GPR39: variants seen among roughly 807,000 people sequenced by gnomAD.
The protein encoded by GPR39 is G protein-coupled receptor 39.
In GPR39, 23 loss-of-function variants were observed where a neutral mutation model predicts 18.4. That is an observed-to-expected ratio of 1.25 (90% CI 0.90 to 1.77). GPR39 has a LOEUF of 1.77. Ranked by LOEUF, GPR39 falls within the 40% of genes most tolerant of loss-of-function variation. The pLI is 0.00. For synonymous variants in GPR39, 280 were observed against 257.9 expected, an observed-to-expected ratio of 1.09 and a Z score of -0.82; for missense variants, 647 against 602.4, an observed-to-expected ratio of 1.07 and a Z score of -0.78.
intron 1 of GPR39, among the ~76,000 whole-genome samples, chr2:132,555,892 T>G (rs1680142195): frequency 6.6e-6 from 1 of 152,184 alleles, no homozygotes; most frequent in South Asian, 2.1e-4. Flanking sequence ...AGGGGAGATG[T>G]TACTCAAGTA....
chr2:132,611,185 A>G (rs1681233767), intron 1 of GPR39, among the ~76,000 whole-genome samples: 1 of 152,224 alleles, frequency 6.6e-6, no homozygotes, highest in Admixed American at 6.5e-5. Context: ...ACAGTGCAGG[A>G]AAATTTGTCA....
chr2:132,578,434 A>G (rs987535796), intron 1 of GPR39, among the ~76,000 whole-genome samples: 5 of 152,170 alleles, frequency 3.3e-5, no homozygotes, highest in African/African-American at 1.2e-4. Flanking sequence ...TAGATTGTAT[A>G]GAATTGCTGA....
At chr2:132,607,781 A>G (rs1267569589) in intron 1 of GPR39, among the ~76,000 whole-genome samples, 1 of 152,192 alleles carries the variant, frequency 6.6e-6, no homozygotes, top group African/African-American at 2.4e-5. Context: ...CTCTTTCAAT[A>G]TGGCACGTAT....
intron 1 of GPR39, among the ~76,000 whole-genome samples, chr2:132,594,768 T>A (rs1573687848): frequency 6.6e-6 from 1 of 151,736 alleles, no homozygotes; most frequent in Non-Finnish European, 1.5e-5. Context: ...TCTGGTTGGG[T>A]TTTATTCCAA....
intron 1 of GPR39, among the ~76,000 whole-genome samples, chr2:132,492,623 CAA>C (rs1681504495): frequency 1.5e-5 from 1 of 68,584 alleles, no homozygotes; most frequent in African/African-American, 3.7e-5. Context: ...TCTATATATA[CAA>C]TATATATACA....
intron 1 of GPR39, among the ~76,000 whole-genome samples, chr2:132,511,307 T>G (rs919436741): frequency 6.6e-6 from 1 of 152,124 alleles, no homozygotes; most frequent in Non-Finnish European, 1.5e-5. Flanking sequence ...CTAAAGTAAA[T>G]TAAACTGTGT....
chr2:132,532,212 A>C (rs1445358143), intron 1 of GPR39, among the ~76,000 whole-genome samples: 2 of 152,218 alleles, frequency 1.3e-5, no homozygotes, highest in East Asian at 1.9e-4. Context: ...GAATACTATA[A>C]ACAGCTCTAT....
intron 1 of GPR39, among the ~76,000 whole-genome samples, chr2:132,555,449 G>A (rs145800257): frequency 6.7e-4 from 102 of 152,256 alleles, no homozygotes; most frequent in Middle Eastern, 3.4e-3. Context: ...GGGCTGGAGG[G>A]TCTGCTTCCA....
At chr2:132,549,300 G>C (rs905842992) in intron 1 of GPR39, among the ~76,000 whole-genome samples, 3 of 152,216 alleles carry the variant, frequency 2.0e-5, no homozygotes. Context: ...CCCCAAGCCT[G>C]TACATGGTAG....
At chr2:132,428,396 G>A (rs960743350) in intron 1 of GPR39, among the ~76,000 whole-genome samples, 3 of 152,174 alleles carry the variant, frequency 2.0e-5, no homozygotes, top group African/African-American at 7.2e-5. Flanking sequence ...GCAGAGCCTT[G>A]TAGAAGCCTA....
rs562288850 is a variant in GPR39 at position 132,641,546 on chromosome 2, C to T, written c.857-3555C>T. Among the ~76,000 whole-genome samples, 14 of 152,248 alleles carry T rather than the reference C, an allele frequency of 9.2e-5. No homozygotes were observed. In the East Asian group the frequency reaches 2.5e-3, roughly 27 times the overall value. On this transcript the variant is annotated intron_variant, in intron 1 of 1. Coordinates refer to ENST00000329321, the MANE Select transcript of GPR39 (RefSeq NM_001508.3). ...CACATGTGTCTCTTCCCAACTGAGG[C>T]ATACTGTAAGAGTAAAACCTATACT... is the stretch of plus-strand genomic sequence containing the variant.
chr2:132,645,226 T>G lies in GPR39; in HGVS notation c.982T>G (p.Phe328Val). 6.2e-7 allele frequency: 1 copy of G among 1,614,152 alleles called. No homozygotes were observed. Among genetic ancestry groups the G allele is most frequent in the Admixed American group, 1.7e-5 (1 of 60,018 alleles). Residue 328 changes from phenylalanine (F) to valine (V), a missense_variant, in exon 2 of 2, where the codon TTC (phenylalanine) becomes GTC (valine). This residue lies in a region of GPR39 where 581 missense variants were observed against 506.8 expected (regional missense o/e 1.15). Transcript: ENST00000329321. ...CCGGGCGTACATGATCCTCCTCCCC[T>G]TCTCGGAGACGTTTTTCTACCTCAG... The part of the protein sequence containing the change: ...YFRAYMILLP[F>V]SETFFYLSSV...
intron 1 of GPR39, among the ~76,000 whole-genome samples, chr2:132,504,131 G>T (rs1679095520): frequency 6.6e-6 from 1 of 152,268 alleles, no homozygotes; most frequent in East Asian, 1.9e-4. Context: ...TTCCTGGTAT[G>T]TTCCTGCAGT....
chr2:132,596,399 T>A (rs987165490), intron 1 of GPR39, among the ~76,000 whole-genome samples: 1 of 152,002 alleles, frequency 6.6e-6, no homozygotes, highest in Admixed American at 6.6e-5. Flanking sequence ...CAATAAATGG[T>A]GTTCTTCCTC....
chr2:132,550,648 C>T (rs1260673946), intron 1 of GPR39, among the ~76,000 whole-genome samples: 1 of 152,160 alleles, frequency 6.6e-6, no homozygotes, highest in African/African-American at 2.4e-5. Flanking sequence ...TTATCGTTTA[C>T]ATAGAATGTC....
chr2:132,456,969 T>C (rs1286715696), intron 1 of GPR39, among the ~76,000 whole-genome samples: 2 of 152,218 alleles, frequency 1.3e-5, no homozygotes, highest in African/African-American at 4.8e-5. Context: ...GGGGTGGCTC[T>C]CCTCGAGGAG....
chr2:132,515,282 G>A (rs1679312168), intron 1 of GPR39, among the ~76,000 whole-genome samples: 2 of 152,216 alleles, frequency 1.3e-5, no homozygotes, highest in African/African-American at 4.8e-5. Flanking sequence ...CTGCTGACCA[G>A]CTGACACTGA....
At chr2:132,588,200 G>A (rs561743815) in intron 1 of GPR39, among the ~76,000 whole-genome samples, 51 of 152,312 alleles carry the variant, frequency 3.3e-4, no homozygotes, top group African/African-American at 1.2e-3. Context: ...ATGGGTTAAA[G>A]ACCTGTAGCA....
In GPR39 at chr2:132,417,696, C is replaced by G. The variant is rs746018188; in HGVS notation, c.654C>G (p.Thr218=). 1.2e-6 allele frequency: 2 copies of G among 1,614,158 alleles called. No individual in the cohort carries two copies. The highest frequency in any genetic ancestry group is 1.7e-6 in the Non-Finnish European group (2 of 1,180,006). The change falls in exon 1 of 2, where the codon ACC becomes ACG. Residue 218 remains threonine, a synonymous_variant. Coordinates refer to ENST00000329321, the MANE Select transcript of GPR39 (RefSeq NM_001508.3). Reference sequence around the variant, plus strand: ...GTACCAACCTCTCCAGCCGCTGGACCGTGTTCCAGTCCAGCATCTTCGGCG... The same window carrying G: ...GTACCAACCTCTCCAGCCGCTGGACGGTGTTCCAGTCCAGCATCTTCGGCG... ...SICTNLSSRW[T]VFQSSIFGAF...
Sources: allele counts gnomAD v4.1 joint callset (sites outside exome capture counted in the v4.1 genomes callset), GRCh38; gene constraint gnomAD v4.1.1; regional missense constraint gnomAD v4.1.1; transcripts MANE v1.5; gene names NCBI Gene and HGNC (gene_info 2026-07-23, HGNC 2026-07-21).